The following NEFL variants were observed in gnomAD, a reference collection of about 807,000 sequenced individuals.
NEFL encodes the protein neurofilament light chain, also known as neurofilament light polypeptide.
Under a neutral mutation model 51.6 loss-of-function variants are expected in NEFL, and 36 were observed. That is an observed-to-expected ratio of 0.70 (90% confidence interval 0.53 to 0.92). The LOEUF (loss-of-function observed/expected upper bound fraction) is 0.92, where lower values mean the gene tolerates loss of function less well. NEFL is among the 40% of genes least tolerant of loss of function. NEFL has a pLI of 0.00. For missense variants in NEFL, 671 were observed against 722.0 expected, an observed-to-expected ratio of 0.93 and a Z score of 0.81; for synonymous variants, 332 against 302.5, an observed-to-expected ratio of 1.10 and a Z score of -1.01.
rs1802966173 is a variant in NEFL, at chr8:24,951,395, A to G, written c.*1415T>C. 6.6e-6 allele frequency: 1 copy of G among 152,234 alleles called. No homozygotes were observed. Among genetic ancestry groups the G allele is most frequent in the Admixed American group, 6.5e-5 (1 of 15,288 alleles). The allele number at this position is 152,234 out of a possible 1,614,324, so 9.4% of individuals were successfully genotyped here. A position where few individuals can be genotyped will look rare whatever the true frequency, so the allele number is the denominator to read the frequency against. On this transcript the variant is annotated 3_prime_UTR_variant, in exon 4 of 4. Coordinates refer to ENST00000610854, the MANE Select transcript of NEFL (RefSeq NM_006158.5). ...TTGAATGAAATTAGCTGACAAAGCA[A>G]TTGTTTCAGAACAAAGGCAGAATAG...
At chr8:24,954,367 AC>A (rs1803013227) in intron 1 of NEFL, 62 bp from the exon 2 acceptor site, 1 of 1,587,546 alleles carries the variant, frequency 6.3e-7, no homozygotes, top group Non-Finnish European at 8.6e-7. Flanking sequence ...CTATTATTTT[AC>A]TGTAGTGTAG....
rs1563251843 is a variant in NEFL at position 24,955,624 on chromosome 8, C to T, written c.892G>A (p.Val298Met). ...GACACCTCGTCCTTGGCGGCGCGCA[C>T]GGCGTCGGTGTTCTTGGCGGCGCTC... ...TESAAKNTDA[V>M]RAAKDEVSES... is the part of the protein sequence containing the mutation. The change falls in exon 1 of 4, where the codon GTG (valine) becomes ATG (methionine). Residue 298 changes from valine (V) to methionine (M), a missense_variant. Coordinates refer to ENST00000610854, the MANE Select transcript of NEFL (RefSeq NM_006158.5). The surrounding 1 kb of genome is among the most constrained non-coding windows in gnomAD (Gnocchi z 4.0). 1.2e-6 allele frequency: 2 copies of T among 1,613,846 alleles called. No individual in the cohort carries two copies. Among genetic ancestry groups the T allele is most frequent in the Admixed American group, 1.7e-5 (1 of 60,018 alleles).
chr8:24,953,953 T>A, intron 2 of NEFL, 158 bp from the exon 3 acceptor site: 1 of 1,198,640 alleles, frequency 8.3e-7, no homozygotes, highest in East Asian at 2.5e-5. Flanking sequence ...TATAAATAAA[T>A]CATCCTATTA....
chr8:24,955,138 C>A lies in NEFL; in HGVS notation c.1044+334G>T. 3.0e-6 allele frequency: 1 copy of A among 334,756 alleles called. No homozygotes were observed. Among genetic ancestry groups the A allele is most frequent in the Non-Finnish European group, 5.5e-6 (1 of 182,850 alleles). 20.7% of individuals were successfully genotyped at this position (334,756 alleles called of 1,614,324 possible). A position where few individuals can be genotyped will look rare whatever the true frequency, so the allele number is the denominator to read the frequency against. On this transcript the variant is annotated intron_variant, in intron 1 of 3. Transcript: ENST00000610854. The surrounding 1 kb of genome is among the most constrained non-coding windows in gnomAD (Gnocchi z 4.0). Reference sequence around the variant, plus strand: ...TGATCCGATAGTTGCTGCAAAGTAACTTGTGGTTAATGCAGGTCAGTAGAG... The same window carrying A: ...TGATCCGATAGTTGCTGCAAAGTAAATTGTGGTTAATGCAGGTCAGTAGAG...
rs1442964331 is a variant in NEFL, at chr8:24,951,015, T to C, written c.*1795A>G. On this transcript the variant is annotated 3_prime_UTR_variant, in exon 4 of 4. Coordinates refer to ENST00000610854, the MANE Select transcript of NEFL (RefSeq NM_006158.5). Reference sequence around the variant, plus strand: ...ATAGAGGATGGTACAGTTTTCTTACTTCAACCAAGTAATTCTCAAAGCATC... The same window carrying C: ...ATAGAGGATGGTACAGTTTTCTTACCTCAACCAAGTAATTCTCAAAGCATC... 6.5e-6 allele frequency: 1 copy of C among 152,674 alleles called. No homozygotes were observed. The highest frequency in any genetic ancestry group is 1.9e-4 in the East Asian group (1 of 5,194). The allele number at this position is 152,674 out of a possible 1,614,324, so 9.5% of individuals were successfully genotyped here.
In NEFL at chr8:24,953,472, A is replaced by T; in HGVS notation, c.1489+4T>A. On this transcript the variant is annotated splice_donor_region_variant and intron_variant, in intron 3 of 3. Coordinates refer to ENST00000610854, the MANE Select transcript of NEFL (RefSeq NM_006158.5). Reference sequence around the variant, plus strand: ...GAAGTTGCAGGGGTTTTTTCTTATCATACCTTCTTCCTCTTCAGCTGCCTC... The same window carrying T: ...GAAGTTGCAGGGGTTTTTTCTTATCTTACCTTCTTCCTCTTCAGCTGCCTC... The T allele has an allele frequency of 6.4e-7, 1 of 1,558,850 alleles. No individual in the cohort carries two copies. The highest frequency in any genetic ancestry group is 8.7e-7 in the Non-Finnish European group (1 of 1,151,900).
At position 24,951,165 on chromosome 8, in the gene NEFL, C is replaced by T. The variant is rs1276067667; in HGVS notation, c.*1645G>A. ...AAAAGTTTTGTTTCTGAGGAGACGC[C>T]TCATCTTTACAGAAGCCAATACACT... On this transcript the variant is annotated 3_prime_UTR_variant, in exon 4 of 4. Coordinates refer to ENST00000610854, the MANE Select transcript of NEFL (RefSeq NM_006158.5). 1 of 152,370 alleles carries T rather than the reference C, an allele frequency of 6.6e-6. No homozygotes were observed. Among genetic ancestry groups the T allele is most frequent in the Non-Finnish European group, 1.5e-5 (1 of 68,026 alleles). The allele number at this position is 152,370 out of a possible 1,614,324, so 9.4% of individuals were successfully genotyped here. A position where few individuals can be genotyped will look rare whatever the true frequency, so the allele number is the denominator to read the frequency against.
At position 24,955,448 on chromosome 8, in the gene NEFL, CCT is replaced by C. The variant is rs1803032328; in HGVS notation, c.1044+22_1044+23del. 1.3e-6 allele frequency: 2 copies of C among 1,555,554 alleles called. No homozygotes were observed. Among genetic ancestry groups the C allele is most frequent in the South Asian group, 2.4e-5 (2 of 83,958 alleles). On this transcript the variant is annotated intron_variant, in intron 1 of 3. Transcript: ENST00000610854. The surrounding 1 kb of genome is among the most constrained non-coding windows in gnomAD (Gnocchi z 4.0). ...CCCCCTTGCTCGAGTCCCCCGCCCCCCTGTGTTTCTGGCCGTGCCGCACCTGC... is the reference window on the plus strand; with the variant it reads ...CCCCCTTGCTCGAGTCCCCCGCCCCCGTGTTTCTGGCCGTGCCGCACCTGC...
intron 2 of NEFL, 81 bp from the exon 3 acceptor site, chr8:24,953,876 G>T: frequency 2.7e-6 from 4 of 1,476,060 alleles, no homozygotes; most frequent in Non-Finnish European, 3.6e-6. Context: ...ACAAAGGCAA[G>T]CAGGAGCAGG....
At chr8:24,953,995 G>A in intron 2 of NEFL, 186 bp downstream of exon 2, 3 of 1,166,192 alleles carry the variant, frequency 2.6e-6, no homozygotes, top group Non-Finnish European at 3.6e-6. Flanking sequence ...ATAAAAACAG[G>A]ACTCCTAATT....
Position 24,956,197 on chromosome 8 carries a change from G to C in NEFL, c.319C>G (p.Arg107Gly), listed in dbSNP as rs1375492106. Residue 107 changes from arginine to glycine, a missense_variant, in exon 1 of 4, where the codon CGC (arginine) becomes GGC (glycine). Physicochemically the swap from Arg to Gly is moderately radical, Grantham distance 125. Transcript: ENST00000610854. The surrounding 1 kb of genome is among the most constrained non-coding windows in gnomAD (Gnocchi z 5.9). ...LNDRFASFIERVHELEQQNKV... is the reference protein window; with the variant it reads ...LNDRFASFIEGVHELEQQNKV... ...TTCTGCTGCTCCAGCTCGTGCACGC[G>C]CTCGATGAAGCTGGCGAAGCGGTCA... 6.2e-7 allele frequency: 1 copy of C among 1,610,300 alleles called. No homozygotes were observed. The highest frequency in any genetic ancestry group is 2.2e-5 in the East Asian group (1 of 44,722).
In NEFL at chr8:24,955,730, G is replaced by T; in HGVS notation, c.786C>A (p.Arg262=). The T allele has an allele frequency of 6.2e-7, 1 of 1,613,798 alleles. No homozygotes were observed. The highest frequency in any genetic ancestry group is 8.5e-7 in the Non-Finnish European group (1 of 1,179,868). Residue 262 remains arginine (R), a synonymous_variant, in exon 1 of 4, where the codon CGC becomes CGA. Coordinates refer to ENST00000610854, the MANE Select transcript of NEFL (RefSeq NM_006158.5). This position sits in a 1 kb window ranked among gnomAD's most constrained non-coding sequence, Gnocchi z 4.0. ...PDLSAALKDI[R]AQYEKLAAKN... The stretch of plus-strand genomic sequence containing the variant: ...TGGCGGCCAGCTTCTCGTACTGCGC[G>T]CGGATGTCCTTGAGCGCGGCGGAAA...
intron 1 of NEFL, among the ~76,000 whole-genome samples, chr8:24,954,779 G>GA: frequency 6.6e-6 from 1 of 151,740 alleles, no homozygotes; most frequent in African/African-American, 2.4e-5. Flanking sequence ...CCCAGAAGAA[G>GA]AAAAAAATTT....
chr8:24,952,833 G>A lies in NEFL; in HGVS notation c.1609C>T (p.Gln537Ter). ...EKKVEGAGEE[Q>*]AAKKKD ...GTTCAATCTTTCTTCTTAGCTGCTT[G>A]TTCCTCCCCAGCACCTTCAACTTTC... Residue 537 changes from glutamine (Q) to a stop codon, truncating the protein, a stop_gained, in exon 4 of 4, where the codon CAA (glutamine) becomes TAA (stop). Coordinates refer to ENST00000610854, the MANE Select transcript of NEFL (RefSeq NM_006158.5). LOFTEE classifies it high-confidence loss of function. The A allele has an allele frequency of 1.2e-6, 2 of 1,613,666 alleles. No homozygotes were observed. Among genetic ancestry groups the A allele is most frequent in the Non-Finnish European group, 1.7e-6 (2 of 1,179,636 alleles).
Position 24,956,416 on chromosome 8 carries a change from T to C in NEFL, c.100A>G (p.Ser34Gly). Residue 34 changes from serine (S) to glycine (G), a missense_variant, in exon 1 of 4, where the codon AGC becomes GGC. By Grantham distance (56) the Ser-to-Gly change is moderately conservative. Coordinates refer to ENST00000610854, the MANE Select transcript of NEFL (RefSeq NM_006158.5). This position sits in a 1 kb window ranked among gnomAD's most constrained non-coding sequence, Gnocchi z 5.9. ...CTGGAGTAAGCTGAGCGTGCGGTGCTGTAGCCGCTGCGCACGCTGGAGATG... is the reference window on the plus strand; with the variant it reads ...CTGGAGTAAGCTGAGCGTGCGGTGCCGTAGCCGCTGCGCACGCTGGAGATG... ...VHISSVRSGY[S>G]TARSAYSSYS... 1 of 1,602,770 alleles carries C rather than the reference T, an allele frequency of 6.2e-7. No homozygotes were observed. Among genetic ancestry groups the C allele is most frequent in the Non-Finnish European group, 8.5e-7 (1 of 1,175,446 alleles).
In NEFL at chr8:24,955,430, GCT is replaced by G; in HGVS notation, c.1044+40_1044+41del. 1.4e-6 allele frequency: 2 copies of G among 1,409,570 alleles called. No individual in the cohort carries two copies. The highest frequency in any genetic ancestry group is 1.9e-6 in the Non-Finnish European group (2 of 1,060,552). The allele number at this position is 1,409,570 out of a possible 1,614,324, so 87.3% of individuals were successfully genotyped here. A position where few individuals can be genotyped will look rare whatever the true frequency, so the allele number is the denominator to read the frequency against. On this transcript the variant is annotated intron_variant, in intron 1 of 3. Transcript: ENST00000610854. This position sits in a 1 kb window ranked among gnomAD's most constrained non-coding sequence, Gnocchi z 4.0. ...TCTGGGCGCACCAACTCCCCCCCTTGCTCGAGTCCCCCGCCCCCCTGTGTTTC... is the reference window on the plus strand; with the variant it reads ...TCTGGGCGCACCAACTCCCCCCCTTGCGAGTCCCCCGCCCCCCTGTGTTTC...
rs1004301107 is a variant in NEFL at position 24,955,314 on chromosome 8, T to A, written c.1044+158A>T. 23 of 709,170 alleles carry A rather than the reference T, an allele frequency of 3.2e-5. No homozygotes were observed. The highest frequency in any genetic ancestry group is 3.2e-4 in the African/African-American group (18 of 55,706). 43.9% of individuals were successfully genotyped at this position (709,170 alleles called of 1,614,324 possible). On this transcript the variant is annotated intron_variant, in intron 1 of 3. Coordinates refer to ENST00000610854, the MANE Select transcript of NEFL (RefSeq NM_006158.5). This position sits in a 1 kb window ranked among gnomAD's most constrained non-coding sequence, Gnocchi z 4.0. ...ACAGTGGCGCCCGCACTCACGCCCTTCAAGTGCCCCACCCCTCCCACACAG... is the reference window on the plus strand; with the variant it reads ...ACAGTGGCGCCCGCACTCACGCCCTACAAGTGCCCCACCCCTCCCACACAG...
chr8:24,953,745 C>T lies in NEFL; in HGVS notation c.1220G>A (p.Ser407Asn). 6.2e-7 allele frequency: 1 copy of T among 1,613,858 alleles called. No homozygotes were observed. Among genetic ancestry groups the T allele is most frequent in the Non-Finnish European group, 8.5e-7 (1 of 1,179,798 alleles). The stretch of plus-strand genomic sequence containing the variant: ...GCTCTGGGAGTAGCCACTGGTTATG[C>T]TTCCCACGCTGGTGAAACTGAGTCG... Reference protein sequence around the residue: ...ETRLSFTSVGSITSGYSQSSQ... With the variant: ...ETRLSFTSVGNITSGYSQSSQ... Residue 407 changes from serine (S) to asparagine (N), a missense_variant, in exon 3 of 4, where the codon AGC (serine) becomes AAC (asparagine). By Grantham distance (46) the Ser-to-Asn change is conservative. Transcript: ENST00000610854.
intron 1 of NEFL, 109 bp from the exon 2 acceptor site, chr8:24,954,414 A>G (rs2117252693): frequency 1.6e-6 from 2 of 1,236,748 alleles, no homozygotes; most frequent in Non-Finnish European, 2.2e-6. Flanking sequence ...ATCAAGGTGC[A>G]CACCTTTGAT....
Sources: gnomAD v4.1 joint callset for allele counts (sites outside exome capture counted in the v4.1 genomes callset) on GRCh38, gnomAD v4.1.1 for gene constraint, Gnocchi (gnomAD v3.1) non-coding constraint, MANE v1.5 for transcripts, NCBI Gene and HGNC (gene_info 2026-07-23, HGNC 2026-07-21) for gene names.